MAST4: variants seen among roughly 807,000 people sequenced by gnomAD.
MAST4 encodes microtubule associated serine/threonine kinase family member 4.
MAST4 carries 89 observed loss-of-function variants against 162.7 expected under a neutral mutation model. That is an observed-to-expected ratio of 0.55 (90% confidence interval 0.46 to 0.65). The LOEUF (loss-of-function observed/expected upper bound fraction) is 0.65. Among genes scored for constraint, MAST4 ranks in the 30% least tolerant of loss-of-function variants. The probability of loss-of-function intolerance (pLI) is 0.00; values close to 1 mark genes in which losing one functional copy is unlikely to be tolerated. For synonymous variants in MAST4, 1,479 were observed against 1,361.1 expected (o/e 1.09, Z -1.91); for missense variants, 3,153 against 3,374.0 (o/e 0.93, Z 1.62).
At position 67,060,062 on chromosome 5, in the gene MAST4, G is replaced by A. The variant is rs544394228; in HGVS notation, c.763+5570G>A. ...TAAAACTCAGCTTGTAACTTAGAGG[G>A]TTTCCAAGGAGAAACTATATGACAT... On this transcript the variant is annotated intron_variant, in intron 5 of 28. Transcript: ENST00000403625. Among the ~76,000 whole-genome samples, 22 of 152,244 alleles carry A rather than the reference G, an allele frequency of 1.4e-4. No homozygotes were observed. In the South Asian group the frequency reaches 4.4e-3, roughly 30 times the overall value.
chr5:66,677,251 G>A (rs1748007372), intron 1 of MAST4, among the ~76,000 whole-genome samples: 1 of 152,208 alleles, frequency 6.6e-6, no homozygotes, highest in Non-Finnish European at 1.5e-5. Flanking sequence ...TTAGCTTGCA[G>A]CACGATTAGA....
chr5:66,659,491 T>G (rs1355932669), intron 1 of MAST4, among the ~76,000 whole-genome samples: 4 of 152,104 alleles, frequency 2.6e-5, no homozygotes, highest in Non-Finnish European at 5.9e-5. Flanking sequence ...ATATCCAGAG[T>G]TTTAAAAGAT....
intron 4 of MAST4, among the ~76,000 whole-genome samples, chr5:67,018,439 C>G (rs372772517): frequency 6.6e-6 from 1 of 151,890 alleles, no homozygotes; most frequent in African/African-American, 2.4e-5. Flanking sequence ...TGCTTGAGCC[C>G]GAGAGGTCGC....
chr5:66,875,286 A>G (rs1761219433), intron 3 of MAST4, among the ~76,000 whole-genome samples: 1 of 152,254 alleles, frequency 6.6e-6, no homozygotes, highest in South Asian at 2.1e-4. Flanking sequence ...ATGTTGTACT[A>G]TGTAAACTTT....
chr5:66,982,247 A>G (rs1748949896), intron 4 of MAST4, among the ~76,000 whole-genome samples: 1 of 152,146 alleles, frequency 6.6e-6, no homozygotes, highest in African/African-American at 2.4e-5. Context: ...ATTCTGAAAC[A>G]TGAGCATCCT....
chr5:67,095,865 T>G (rs540242024), intron 7 of MAST4, among the ~76,000 whole-genome samples, 190 bp downstream of exon 7: 1 of 152,328 alleles, frequency 6.6e-6, no homozygotes, highest in South Asian at 2.1e-4. Flanking sequence ...GCTGCAAGCT[T>G]TTAAACTGTA....
intron 5 of MAST4, among the ~76,000 whole-genome samples, chr5:67,078,902 T>TAAA (rs1561621788): frequency 1.8e-5 from 1 of 54,086 alleles, no homozygotes; most frequent in African/African-American, 8.0e-5. Context: ...ATTTATATAT[T>TAAA]TTTATATAAA....
At chr5:66,606,189 G>A (rs1460560177) in intron 1 of MAST4, among the ~76,000 whole-genome samples, 1 of 152,096 alleles carries the variant, frequency 6.6e-6, no homozygotes. Flanking sequence ...CTAGAAGATG[G>A]CAGAAAAGCC....
intron 3 of MAST4, among the ~76,000 whole-genome samples, chr5:66,860,283 G>A (rs1454836099): frequency 6.6e-6 from 1 of 152,224 alleles, no homozygotes; most frequent in Non-Finnish European, 1.5e-5. Context: ...GTAACACATA[G>A]GAACTGCTAT....
chr5:67,066,820 A>G (rs574801850), intron 5 of MAST4, among the ~76,000 whole-genome samples: 1 of 152,238 alleles, frequency 6.6e-6, no homozygotes, highest in African/African-American at 2.4e-5. Flanking sequence ...TAGATTTTTG[A>G]GGCCCTAGAA....
At chr5:67,017,254 G>T (rs150535384) in intron 4 of MAST4, among the ~76,000 whole-genome samples, 3 of 152,274 alleles carry the variant, frequency 2.0e-5, no homozygotes, top group African/African-American at 7.2e-5. Flanking sequence ...CCATCTCTTA[G>T]CTTTTGGTGA....
In MAST4 at chr5:66,899,979, G is replaced by T. The variant is rs1580809737; in HGVS notation, c.671G>T (p.Ser224Ile). 6.6e-7 allele frequency: 1 copy of T among 1,514,884 alleles called. No individual in the cohort carries two copies. The highest frequency in any genetic ancestry group is 8.8e-7 in the Non-Finnish European group (1 of 1,132,676). 93.8% of individuals were successfully genotyped at this position (1,514,884 alleles called of 1,614,324 possible). ...GAGCTGAGTCTCCCCAGAAGAGGAAGTTTGTAAGTAGTAGTATTTTGTTTC... is the reference window on the plus strand; with the variant it reads ...GAGCTGAGTCTCCCCAGAAGAGGAATTTTGTAAGTAGTAGTATTTTGTTTC... ...LKELSLPRRG[S>I]FCRTSNRKSL... is the part of the protein sequence containing the mutation. Residue 224 changes from serine to isoleucine, a missense_variant, in exon 4 of 29, where the codon AGT becomes ATT. Ser to Ile is a moderately radical substitution (Grantham distance 142, BLOSUM62 -2). This residue lies in a region of MAST4 where 327 missense variants were observed against 336.5 expected (regional missense o/e 0.97). Coordinates refer to ENST00000403625, the MANE Select transcript of MAST4 (RefSeq NM_001164664.2).
At chr5:66,645,261 T>TCTAGATTA (rs563957433) in intron 1 of MAST4, among the ~76,000 whole-genome samples, 2 of 152,334 alleles carry the variant, frequency 1.3e-5, no homozygotes, top group African/African-American at 4.8e-5. Flanking sequence ...ATTGGACAAC[T>TCTAGATTA]CTAGATTATG....
chr5:66,645,213 G>A (rs1002166053), intron 1 of MAST4, among the ~76,000 whole-genome samples: 5 of 152,158 alleles, frequency 3.3e-5, no homozygotes, highest in African/African-American at 1.2e-4. Flanking sequence ...AAGGCCCAGA[G>A]GGATGAAGAG....
At chr5:67,065,067 A>G (rs1027682607) in intron 5 of MAST4, among the ~76,000 whole-genome samples, 2 of 152,204 alleles carry the variant, frequency 1.3e-5, no homozygotes, top group Non-Finnish European at 2.9e-5. Flanking sequence ...ATAAATGACA[A>G]TGTATTAGTA....
chr5:66,862,514 T>G (rs1012475601), intron 3 of MAST4, among the ~76,000 whole-genome samples: 3 of 152,248 alleles, frequency 2.0e-5, no homozygotes, highest in Admixed American at 6.5e-5. Flanking sequence ...TGAATCGATA[T>G]GTAATGTTTT....
chr5:66,704,752 A>G (rs1227864181), intron 1 of MAST4, among the ~76,000 whole-genome samples: 1 of 151,998 alleles, frequency 6.6e-6, no homozygotes, highest in Admixed American at 6.5e-5. Context: ...CGCCTGCCTC[A>G]GCCTCCCAAA....
chr5:67,110,066 G>T, intron 10 of MAST4, 32 bp from the exon 11 acceptor site: 4 of 1,475,720 alleles, frequency 2.7e-6, no homozygotes, highest in Non-Finnish European at 3.8e-6. Flanking sequence ...GAACAACTCT[G>T]CATCATCACT....
intron 3 of MAST4, among the ~76,000 whole-genome samples, chr5:66,791,971 A>C (rs1755432455): frequency 6.6e-6 from 1 of 152,146 alleles, no homozygotes; most frequent in Non-Finnish European, 1.5e-5. Context: ...ACTCAAGTAC[A>C]TGTTAGTGAC....
Sources: gnomAD v4.1 joint callset for allele counts (sites outside exome capture counted in the v4.1 genomes callset) on GRCh38, gnomAD v4.1.1 for gene constraint, gnomAD v4.1.1 regional missense constraint, MANE v1.5 for transcripts, NCBI Gene and HGNC (gene_info 2026-07-23, HGNC 2026-07-21) for gene names.